ERICH6: variants seen among roughly 807,000 people sequenced by gnomAD.
The protein encoded by ERICH6 is glutamate-rich protein 6.
ERICH6 carries 71 observed loss-of-function variants against 71.0 expected under a neutral mutation model. The ratio of observed to expected loss-of-function variants is 1.00; its 90% CI spans 0.83 to 1.22. ERICH6 has a LOEUF of 1.22. ERICH6 is among the 50% of genes most tolerant of loss of function. The pLI, the probability that ERICH6 is intolerant of heterozygous loss-of-function variation, is 0.00. For synonymous variants in ERICH6, 262 were observed against 278.4 expected (o/e 0.94, Z 0.59); for missense variants, 808 against 797.2 (o/e 1.01, Z -0.16).
At position 150,703,721 on chromosome 3, in the gene ERICH6, A is replaced by ACTCCTC. The variant is rs1713039223; in HGVS notation, c.172_177dup (p.Glu58_Glu59dup). 2.1e-6 allele frequency: 3 copies of ACTCCTC among 1,460,624 alleles called. No individual in the cohort carries two copies. The highest frequency in any genetic ancestry group is 1.8e-6 in the Non-Finnish European group (2 of 1,106,692). The allele number at this position is 1,460,624 out of a possible 1,614,324, so 90.5% of individuals were successfully genotyped here. A position where few individuals can be genotyped will look rare whatever the true frequency, so the allele number is the denominator to read the frequency against. On this transcript the variant is annotated inframe_insertion, in exon 1 of 14. Coordinates refer to ENST00000295910, the MANE Select transcript of ERICH6 (RefSeq NM_152394.5). ...TCCAACTCCTGCTCTTCCCCCACCA[A>ACTCCTC]CTCCTCCTCCACCACCTCCTCCTCC...
intron 13 of ERICH6, among the ~76,000 whole-genome samples, chr3:150,664,203 A>T (rs1727319314): frequency 1.3e-5 from 2 of 152,186 alleles, no homozygotes; most frequent in Non-Finnish European, 2.9e-5. Flanking sequence ...ATTAAATTTC[A>T]TATAAATTTA....
intron 1 of ERICH6, among the ~76,000 whole-genome samples, chr3:150,703,040 A>G (rs1712975544): frequency 1.3e-5 from 2 of 151,168 alleles, no homozygotes; most frequent in South Asian, 2.1e-4. Flanking sequence ...TGCACGCAAA[A>G]ATGTTATAAA....
Position 150,703,888 on chromosome 3 carries a change from A to C in ERICH6, c.11T>G (p.Leu4Trp). 14 of 1,613,742 alleles carry C rather than the reference A, an allele frequency of 8.7e-6. No individual in the cohort carries two copies. The highest frequency in any genetic ancestry group is 1.2e-5 in the Non-Finnish European group (14 of 1,179,884). MAH[L>W]RSPSGFGDPG... ...GTCTCCGAAGCCGCTAGGCGAGCGC[A>C]AGTGGGCCATGGCTGGCGGGAGGCG... Residue 4 changes from leucine (L) to tryptophan (W), a missense_variant, in exon 1 of 14, where the codon TTG becomes TGG. Leu to Trp is a moderately conservative substitution (Grantham distance 61). This residue lies in a region of ERICH6 where 53 missense variants were observed against 40.6 expected (regional missense o/e 1.30). Transcript: ENST00000295910.
In ERICH6 at chr3:150,703,815, C is replaced by CTCCACCTCT; in HGVS notation, c.83_84insAGAGGTGGA (p.Glu29_Glu30insValGluGlu). Reference sequence around the variant, plus strand: ...CCTCCTCCACCTCTTCCTCCTCCTCCTCCTCCTCTAACTCCTCCTCTGACT... The same window carrying CTCCACCTCT: ...CCTCCTCCACCTCTTCCTCCTCCTCCTCCACCTCTTCCTCCTCTAACTCCTCCTCTGACT... On this transcript the variant is annotated inframe_insertion, in exon 1 of 14. Coordinates refer to ENST00000295910, the MANE Select transcript of ERICH6 (RefSeq NM_152394.5). 6.2e-7 allele frequency: 1 copy of CTCCACCTCT among 1,613,440 alleles called. No homozygotes were observed. The highest frequency in any genetic ancestry group is 1.7e-5 in the Admixed American group (1 of 59,974).
At position 150,678,495 on chromosome 3, in the gene ERICH6, T is replaced by A; in HGVS notation, c.1171A>T (p.Ile391Leu). 6.2e-7 allele frequency: 1 copy of A among 1,603,486 alleles called. No individual in the cohort carries two copies. The highest frequency in any genetic ancestry group is 8.5e-7 in the Non-Finnish European group (1 of 1,177,280). ...QLSVDIPEKQ[I>L]IDDIVFDFQL... ...AAATCAAATACAATGTCATCAATTA[T>A]CTGTTTTTCTGGAATATCCACAGAA... The change falls in exon 10 of 14, where the codon ATA (isoleucine) becomes TTA (leucine). Residue 391 changes from isoleucine (I) to leucine (L), a missense_variant. Ile to Leu is a conservative substitution (Grantham distance 5). Transcript: ENST00000295910.
rs1224869992 is a variant in ERICH6 at position 150,666,826 on chromosome 3, C to T, written c.1689G>A (p.Met563Ile). ...CAACACTGATTCTTGCCTGTTGGCC[C>T]ATTGCTAGAAAAGTTATAGAAATCT... ...QDKISITFLA[M>I]GQQARISVGT... Residue 563 changes from methionine (M) to isoleucine (I), a missense_variant, in exon 13 of 14, where the codon ATG (methionine) becomes ATA (isoleucine). Coordinates refer to ENST00000295910, the MANE Select transcript of ERICH6 (RefSeq NM_152394.5). 1 of 1,614,086 alleles carries T rather than the reference C, an allele frequency of 6.2e-7. No individual in the cohort carries two copies. The highest frequency in any genetic ancestry group is 2.2e-5 in the East Asian group (1 of 44,862).
At chr3:150,676,773 C>A (rs569487847) in intron 10 of ERICH6, among the ~76,000 whole-genome samples, 1 of 151,986 alleles carries the variant, frequency 6.6e-6, no homozygotes, top group African/African-American at 2.4e-5. Context: ...AGTAAGTGAG[C>A]CTACAGGCAT....
intron 4 of ERICH6, 130 bp downstream of exon 4, chr3:150,686,168 G>T: frequency 7.9e-7 from 1 of 1,258,932 alleles, no homozygotes; most frequent in Non-Finnish European, 1.2e-6. Context: ...TGACGTTTTC[G>T]CCACCTTCTC....
chr3:150,699,340 G>T lies in ERICH6; in HGVS notation c.462-458C>A, dbSNP rs947944355. On this transcript the variant is annotated intron_variant, in intron 2 of 13. Coordinates refer to ENST00000295910, the MANE Select transcript of ERICH6 (RefSeq NM_152394.5). ...ACAAACAAACAAACAAATAAACCAT[G>T]ACCATACACTGAAGTGTCCTTGCCC... Among the ~76,000 whole-genome samples, 5 of 152,034 alleles carry T rather than the reference G, an allele frequency of 3.3e-5. No homozygotes were observed. In the South Asian group the frequency reaches 1.0e-3, roughly 32 times the overall value.
intron 3 of ERICH6, among the ~76,000 whole-genome samples, chr3:150,693,744 A>T (rs1025998256): frequency 6.6e-6 from 1 of 152,220 alleles, no homozygotes; most frequent in Non-Finnish European, 1.5e-5. Context: ...TATGTTTCAA[A>T]ACCTATAGTA....
At chr3:150,675,628 T>G (rs1559912893) in intron 10 of ERICH6, among the ~76,000 whole-genome samples, 1 of 152,114 alleles carries the variant, frequency 6.6e-6, no homozygotes. Flanking sequence ...GGATTACAGG[T>G]GTAAGCCACT....
chr3:150,665,515 CA>C lies in ERICH6; in HGVS notation c.1728+1271del, dbSNP rs59227415. ...CTGGCGACGGAGAGAGACTCCATCT[CA>C]AAAAAAAAAAAAAAAAATCGACGAA... is the stretch of plus-strand genomic sequence containing the variant. On this transcript the variant is annotated intron_variant, in intron 13 of 13. Coordinates refer to ENST00000295910, the MANE Select transcript of ERICH6 (RefSeq NM_152394.5). 2.3e-3 allele frequency among the ~76,000 whole-genome samples: 148 copies of C among 63,448 alleles called. 1 individual carries two copies. Among genetic ancestry groups the C allele is most frequent in the African/African-American group, 8.6e-3 (117 of 13,616 alleles). The allele number at this position is 63,448 out of a possible 152,430, so 41.6% of individuals were successfully genotyped here. A position where few individuals can be genotyped will look rare whatever the true frequency, so the allele number is the denominator to read the frequency against.
At chr3:150,680,627 T>C in intron 8 of ERICH6, 89 bp from the exon 9 acceptor site, 1 of 1,577,296 alleles carries the variant, frequency 6.3e-7, no homozygotes, top group Non-Finnish European at 8.7e-7. Context: ...TTAAATGCCA[T>C]CCTTGTCTGT....
rs962274666 is a variant in ERICH6, at chr3:150,692,116, T to C, written c.554-5762A>G. ...TTGTGTCAGTTTAACAAGGTTTTCA[T>C]GAAGCATTAACCAACTCCTTAATAA... On this transcript the variant is annotated intron_variant, in intron 3 of 13. Transcript: ENST00000295910. Among the ~76,000 whole-genome samples the C allele has an allele frequency of 2.6e-5, 4 of 152,284 alleles. No homozygotes were observed. The East Asian group carries it at 5.8e-4, about 22-fold the overall frequency.
chr3:150,667,535 C>T (rs1351082345), intron 12 of ERICH6, among the ~76,000 whole-genome samples: 1 of 152,150 alleles, frequency 6.6e-6, no homozygotes, highest in Non-Finnish European at 1.5e-5. Flanking sequence ...CAGGGAACAC[C>T]TCTGTGATCA....
intron 10 of ERICH6, among the ~76,000 whole-genome samples, chr3:150,675,715 T>C (rs530075654): frequency 1.2e-4 from 18 of 152,210 alleles, no homozygotes; most frequent in African/African-American, 3.9e-4. Flanking sequence ...TTGTTTTTTT[T>C]TTTTACCACA....
chr3:150,689,519 A>AT (rs1335102298), intron 3 of ERICH6, among the ~76,000 whole-genome samples: 3 of 152,140 alleles, frequency 2.0e-5, no homozygotes, highest in Admixed American at 6.6e-5. Context: ...ATTTTAAAAG[A>AT]TTTTTTTAAA....
intron 8 of ERICH6, 102 bp from the exon 9 acceptor site, chr3:150,680,640 G>C: frequency 3.2e-6 from 5 of 1,569,576 alleles, no homozygotes; most frequent in Non-Finnish European, 4.4e-6. Context: ...TTGTCTGTTT[G>C]ATCTGTTATT....
chr3:150,677,365 G>A (rs1711700089), intron 10 of ERICH6, among the ~76,000 whole-genome samples: 1 of 151,946 alleles, frequency 6.6e-6, no homozygotes, highest in Non-Finnish European at 1.5e-5. Flanking sequence ...GATATTTAAG[G>A]AAATGGTATT....
Sources: allele counts gnomAD v4.1 joint callset (sites outside exome capture counted in the v4.1 genomes callset), GRCh38; gene constraint gnomAD v4.1.1; regional missense constraint gnomAD v4.1.1; transcripts MANE v1.5; gene names NCBI Gene and HGNC (gene_info 2026-07-23, HGNC 2026-07-21).